The following CHD3 variants were observed in gnomAD, a reference collection of about 807,000 sequenced individuals.
CHD3 encodes chromodomain helicase DNA binding protein 3.
In CHD3, 52 loss-of-function variants were observed where a neutral mutation model predicts 248.9. The observed-to-expected ratio is 0.21, with a 90% CI of 0.17 to 0.26. CHD3 has a LOEUF of 0.26. CHD3 is among the 10% of genes least tolerant of loss of function. CHD3 has a pLI of 1.00. For missense variants in CHD3, 1,482 were observed against 2,605.8 expected, an observed-to-expected ratio of 0.57 and a Z score of 9.39; for synonymous variants, 985 against 985.2, an observed-to-expected ratio of 1.00 and a Z score of 0.00.
rs1971191610 is a variant in CHD3 at position 7,907,885 on chromosome 17, T to C, written c.5027-9T>C. ...TGAGGTGTGAGCTTTGACCTGTCTG[T>C]CCTAGCAGAAGATGTAAAAGGTGAC... On this transcript the variant is annotated splice_polypyrimidine_tract_variant and intron_variant, in intron 33 of 39. Coordinates refer to ENST00000330494, the MANE Select transcript of CHD3 (RefSeq NM_001005273.3). The surrounding 1 kb of genome is among the most constrained non-coding windows in gnomAD (Gnocchi z 4.3). 6.2e-7 allele frequency: 1 copy of C among 1,609,768 alleles called. No individual in the cohort carries two copies. The highest frequency in any genetic ancestry group is 1.1e-5 in the South Asian group (1 of 90,710).
chr17:7,901,399 T>G (rs767973395), intron 20 of CHD3, 24 bp downstream of exon 20: 43 of 1,552,730 alleles, frequency 2.8e-5, no homozygotes, highest in Admixed American at 5.6e-5. Flanking sequence ...TTAGCTGTCT[T>G]TACATCTGCT....
chr17:7,888,835 G>C lies in CHD3; in HGVS notation c.-166G>C, dbSNP rs566341939. On this transcript the variant is annotated 5_prime_UTR_variant, in exon 1 of 40. Coordinates refer to ENST00000330494, the MANE Select transcript of CHD3 (RefSeq NM_001005273.3). Reference sequence around the variant, plus strand: ...ATACTGCGTATAGATGAATGGGTCAGGATATCTGGAACAAAATATGGAGGT... The same window carrying C: ...ATACTGCGTATAGATGAATGGGTCACGATATCTGGAACAAAATATGGAGGT... 3 of 1,452,804 alleles carry C rather than the reference G, an allele frequency of 2.1e-6. No homozygotes were observed. The highest frequency in any genetic ancestry group is 2.9e-5 in the South Asian group (2 of 68,734). 90.0% of individuals were successfully genotyped at this position (1,452,804 alleles called of 1,614,324 possible).
chr17:7,904,287 A>G lies in CHD3; in HGVS notation c.3895-155A>G. The G allele has an allele frequency of 1.5e-6, 1 of 675,116 alleles. No individual in the cohort carries two copies. The highest frequency in any genetic ancestry group is 2.6e-6 in the Non-Finnish European group (1 of 391,168). 41.8% of individuals were successfully genotyped at this position (675,116 alleles called of 1,614,324 possible). On this transcript the variant is annotated intron_variant, in intron 24 of 39. Coordinates refer to ENST00000330494, the MANE Select transcript of CHD3 (RefSeq NM_001005273.3). The surrounding 1 kb of genome is among the most constrained non-coding windows in gnomAD (Gnocchi z 4.4). ...CATTGCAGGTAAGAGATGGCATGGA[A>G]CATGCGCAATGTCCAGAAAATGTAT...
Position 7,901,407 on chromosome 17 carries a change from G to A in CHD3, c.3252+32G>A, listed in dbSNP as rs192301551. On this transcript the variant is annotated intron_variant, in intron 20 of 39. Coordinates refer to ENST00000330494, the MANE Select transcript of CHD3 (RefSeq NM_001005273.3). The stretch of plus-strand genomic sequence containing the variant: ...TGTGCCCTTAGCTGTCTTTACATCT[G>A]CTTCCTCTTCCCTCTCCTCATCCTC... The A allele has an allele frequency of 2.1e-4, 317 of 1,539,102 alleles. No homozygotes were observed. The East Asian group carries it at 5.4e-3, about 26-fold the overall frequency.
chr17:7,900,671 T>C lies in CHD3; in HGVS notation c.2918T>C (p.Phe973Ser). 6.2e-7 allele frequency: 1 copy of C among 1,614,066 alleles called. No individual in the cohort carries two copies. Among genetic ancestry groups the C allele is most frequent in the Non-Finnish European group, 8.5e-7 (1 of 1,180,012 alleles). The change falls in exon 18 of 40, where the codon TTT becomes TCT. Residue 973 changes from phenylalanine to serine, a missense_variant. Around this residue, in one of 20 missense-constraint regions of CHD3, gnomAD observed 36 missense variants for 189.3 expected, o/e 0.19. Transcript: ENST00000330494. This position sits in a 1 kb window ranked among gnomAD's most constrained non-coding sequence, Gnocchi z 6.5. Reference sequence around the variant, plus strand: ...CTGCGGAGACTCAAGGCAGATGTCTTTAAGAACATGCCAGCCAAGACAGAG... The same window carrying C: ...CTGCGGAGACTCAAGGCAGATGTCTCTAAGAACATGCCAGCCAAGACAGAG... The part of the protein sequence containing the change: ...HMLRRLKADV[F>S]KNMPAKTELI...
At chr17:7,896,217 C>CACTCT (rs1322267290) in intron 10 of CHD3, among the ~76,000 whole-genome samples, 14 of 110,896 alleles carry the variant, frequency 1.3e-4, no homozygotes, top group African/African-American at 4.6e-5. Context: ...GACAGAGCGA[C>CACTCT]ACTCTATCTC....
chr17:7,909,305 G>C lies in CHD3; in HGVS notation c.5557G>C (p.Gly1853Arg). Residue 1853 changes from glycine to arginine, a missense_variant, in exon 37 of 40, where the codon GGG becomes CGG. Gly to Arg is a moderately radical substitution (Grantham distance 125). Coordinates refer to ENST00000330494, the MANE Select transcript of CHD3 (RefSeq NM_001005273.3). This position sits in a 1 kb window ranked among gnomAD's most constrained non-coding sequence, Gnocchi z 8.1. ...GCACCTCTCCAAGGAGTCGCTGGCG[G>C]GGAACAAGCCGGCCAACGCCGTCCT... ...HQHLSKESLA[G>R]NKPANAVLHK... 6.4e-7 allele frequency: 1 copy of C among 1,561,108 alleles called. No individual in the cohort carries two copies. The highest frequency in any genetic ancestry group is 8.7e-7 in the Non-Finnish European group (1 of 1,154,460).
In CHD3 at chr17:7,911,829, A is replaced by G; in HGVS notation, c.*244A>G. ...TGGTGAGAAGAAGTCTGGGTGGGAG[A>G]TGGCTGGCAGGGTCTTCCAAGTACC... On this transcript the variant is annotated 3_prime_UTR_variant, in exon 40 of 40. Coordinates refer to ENST00000330494, the MANE Select transcript of CHD3 (RefSeq NM_001005273.3). This position sits in a 1 kb window ranked among gnomAD's most constrained non-coding sequence, Gnocchi z 5.4. 4 of 1,234,048 alleles carry G rather than the reference A, an allele frequency of 3.2e-6. No individual in the cohort carries two copies. Among genetic ancestry groups the G allele is most frequent in the Non-Finnish European group, 4.4e-6 (4 of 918,428 alleles). 76.4% of individuals were successfully genotyped at this position (1,234,048 alleles called of 1,614,324 possible).
upstream of CHD3, among the ~76,000 whole-genome samples, chr17:7,886,199 C>A (rs1370637113): frequency 6.6e-6 from 1 of 152,238 alleles, no homozygotes; most frequent in Non-Finnish European, 1.5e-5. This position sits in a 1 kb window ranked among gnomAD's most constrained non-coding sequence, Gnocchi z 4.2. Context: ...CAGCACCCGT[C>A]CCCCGAGGTG....
At position 7,901,482 on chromosome 17, in the gene CHD3, TGAG is replaced by T. The variant is rs138403330; in HGVS notation, c.3252+111_3252+113del. The T allele has an allele frequency of 1.7e-3, 1,455 of 853,260 alleles. 15 individuals carry two copies. The African/African-American group carries it at 0.023, about 13-fold the overall frequency. 52.9% of individuals were successfully genotyped at this position (853,260 alleles called of 1,614,324 possible). On this transcript the variant is annotated intron_variant, in intron 20 of 39. Transcript: ENST00000330494. ...CCTGTGGCTGCTCTGGTGTGACAAA[TGAG>T]GAGATTCCTCCTGTAAGAGTTTTTT...
Position 7,897,046 on chromosome 17 carries a change from A to G in CHD3, c.1708-37A>G. 1.3e-6 allele frequency: 2 copies of G among 1,562,640 alleles called. No individual in the cohort carries two copies. The highest frequency in any genetic ancestry group is 1.7e-4 in the Middle Eastern group (1 of 5,942). ...TTCCTTGTTGTCCTCTGTGAGTGTC[A>G]GGACTATCTCTTTCCCTTTTTTCTG... On this transcript the variant is annotated intron_variant, in intron 10 of 39. Transcript: ENST00000330494. This position sits in a 1 kb window ranked among gnomAD's most constrained non-coding sequence, Gnocchi z 4.8.
Position 7,895,335 on chromosome 17 carries a change from A to G in CHD3, c.1504-4A>G. 6.2e-7 allele frequency: 1 copy of G among 1,613,914 alleles called. No homozygotes were observed. The highest frequency in any genetic ancestry group is 8.5e-7 in the Non-Finnish European group (1 of 1,179,954). On this transcript the variant is annotated splice_polypyrimidine_tract_variant and splice_region_variant and intron_variant, in intron 9 of 39. Coordinates refer to ENST00000330494, the MANE Select transcript of CHD3 (RefSeq NM_001005273.3). The surrounding 1 kb of genome is among the most constrained non-coding windows in gnomAD (Gnocchi z 4.9). ...CCTCCTCCTTGTACGTGTCCATCCCAAAGTGCCCCGTGCTGAAGGGTCGAG... is the reference window on the plus strand; with the variant it reads ...CCTCCTCCTTGTACGTGTCCATCCCGAAGTGCCCCGTGCTGAAGGGTCGAG...
At chr17:7,885,043 G>GCCA, upstream of CHD3, 1 of 1,088,840 alleles carries the variant, frequency 9.2e-7, no homozygotes, top group Non-Finnish European at 1.1e-6. Context: ...CGCCGCCGCC[G>GCCA]CCGCCACCGC....
In CHD3 at chr17:7,897,584, C is replaced by T. The variant is rs1344914997; in HGVS notation, c.1919+290C>T. Among the ~76,000 whole-genome samples the T allele has an allele frequency of 1.3e-5, 2 of 152,078 alleles. No homozygotes were observed. Among genetic ancestry groups the T allele is most frequent in the African/African-American group, 4.8e-5 (2 of 41,402 alleles). ...GGGCATGAAAGCAAAACATGAGAGA[C>T]ATAATTCATCCAGACCAGTGTTTTG... On this transcript the variant is annotated intron_variant, in intron 11 of 39. Coordinates refer to ENST00000330494, the MANE Select transcript of CHD3 (RefSeq NM_001005273.3). This position sits in a 1 kb window ranked among gnomAD's most constrained non-coding sequence, Gnocchi z 4.8.
chr17:7,906,085 C>G lies in CHD3; in HGVS notation c.4358+96C>G. The G allele has an allele frequency of 6.6e-7, 1 of 1,521,772 alleles. No homozygotes were observed. Among genetic ancestry groups the G allele is most frequent in the Non-Finnish European group, 9.1e-7 (1 of 1,104,604 alleles). The allele number at this position is 1,521,772 out of a possible 1,614,324, so 94.3% of individuals were successfully genotyped here. The stretch of plus-strand genomic sequence containing the variant: ...GGCCGCCATATGATGTGACCTTACT[C>G]AACTGATTATCACCCTCCCTGTCAT... On this transcript the variant is annotated intron_variant, in intron 28 of 39. Coordinates refer to ENST00000330494, the MANE Select transcript of CHD3 (RefSeq NM_001005273.3). This position sits in a 1 kb window ranked among gnomAD's most constrained non-coding sequence, Gnocchi z 5.0.
At chr17:7,901,504 GTT>G (rs34660030) in intron 20 of CHD3, 129 bp downstream of exon 20, 9,119 of 172,294 alleles carry the variant, frequency 0.053, 12 homozygotes, top group East Asian at 0.12. Context: ...TCCTGTAAGA[GTT>G]TTTTTTTTTT....
chr17:7,902,737 A>C lies in CHD3; in HGVS notation c.3370+10A>C. 6.2e-7 allele frequency: 1 copy of C among 1,608,750 alleles called. No homozygotes were observed. ...ATCGATCGGTTTAATGGTGAGGGAG[A>C]TACACTGGTCCCTGGTGGGTGTGGG... On this transcript the variant is annotated intron_variant, in intron 21 of 39. Coordinates refer to ENST00000330494, the MANE Select transcript of CHD3 (RefSeq NM_001005273.3).
At position 7,893,853 on chromosome 17, in the gene CHD3, G is replaced by A. The variant is rs139173826; in HGVS notation, c.842G>A (p.Arg281His). The A allele has an allele frequency of 6.2e-5, 100 of 1,613,670 alleles. No homozygotes were observed. Among genetic ancestry groups the A allele is most frequent in the Non-Finnish European group, 7.9e-5 (93 of 1,179,922 alleles). Residue 281 changes from arginine to histidine, a missense_variant, in exon 6 of 40, where the codon CGC (arginine) becomes CAC (histidine). By Grantham distance (29) the Arg-to-His change is conservative. Coordinates refer to ENST00000330494, the MANE Select transcript of CHD3 (RefSeq NM_001005273.3). ...AAGAGCCCCCGAGTGCCTGATGGAC[G>A]CAAGAAGCTTCGGGGAAAGAAAATG... Reference protein sequence around the residue: ...RSKSPRVPDGRKKLRGKKMAP... With the variant: ...RSKSPRVPDGHKKLRGKKMAP...
intron 7 of CHD3, 49 bp from the exon 8 acceptor site, chr17:7,894,366 C>T (rs372551921): frequency 6.3e-7 from 1 of 1,589,236 alleles, no homozygotes; most frequent in Non-Finnish European, 8.6e-7. Flanking sequence ...TCTCTCTCTC[C>T]ATCTCCCCCT....
Sources: allele counts gnomAD v4.1 joint callset (sites outside exome capture counted in the v4.1 genomes callset), GRCh38; gene constraint gnomAD v4.1.1; regional missense constraint gnomAD v4.1.1; non-coding constraint Gnocchi (gnomAD v3.1); transcripts MANE v1.5; gene names NCBI Gene and HGNC (gene_info 2026-07-23, HGNC 2026-07-21).